The following GRIK2 variants were observed in gnomAD, a reference collection of about 807,000 sequenced individuals.
GRIK2 encodes the protein glutamate ionotropic receptor kainate type subunit 2, also known as glutamate receptor ionotropic, kainate 2.
GRIK2 carries 32 observed loss-of-function variants against 100.3 expected under a neutral mutation model. The ratio of observed to expected loss-of-function variants is 0.32; its 90% CI spans 0.24 to 0.43. The LOEUF is 0.43. GRIK2 is among the 20% of genes least tolerant of loss of function. GRIK2 has a pLI of 1.00. For synonymous variants in GRIK2, 417 were observed against 389.4 expected (o/e 1.07, Z -0.83); for missense variants, 843 against 1,114.9 (o/e 0.76, Z 3.47).
intron 14 of GRIK2, among the ~76,000 whole-genome samples, chr6:101,994,204 A>G (rs1046818270): frequency 6.6e-6 from 1 of 150,962 alleles, no homozygotes; most frequent in African/African-American, 2.4e-5. Flanking sequence ...GCCAATAGTC[A>G]TTCCTAATCT....
chr6:101,437,204 A>C (rs1769772047), intron 2 of GRIK2, among the ~76,000 whole-genome samples: 1 of 152,086 alleles, frequency 6.6e-6, no homozygotes, highest in Non-Finnish European at 1.5e-5. Flanking sequence ...ACTTATTTCT[A>C]TACTGAGAAA....
At chr6:101,725,259 C>G (rs1390990746) in intron 7 of GRIK2, among the ~76,000 whole-genome samples, 2 of 151,996 alleles carry the variant, frequency 1.3e-5, no homozygotes, top group African/African-American at 4.8e-5. Context: ...AAGAGCAACA[C>G]CATTGGGAAA....
At chr6:101,508,200 G>A (rs1453201390) in intron 2 of GRIK2, among the ~76,000 whole-genome samples, 2 of 151,896 alleles carry the variant, frequency 1.3e-5, no homozygotes, top group East Asian at 3.9e-4. Flanking sequence ...CCAGGTTAAA[G>A]TTTATAAGAG....
At position 101,487,309 on chromosome 6, in the gene GRIK2, C is replaced by T. The variant is rs766777846; in HGVS notation, c.115+87917C>T. Among the ~76,000 whole-genome samples, 68 of 146,454 alleles carry T rather than the reference C, an allele frequency of 4.6e-4. 5 individuals carry two copies. The highest frequency in any genetic ancestry group is 1.5e-3 in the South Asian group (7 of 4,624). ...ACACTGGTCTAAAAGTTCAAAGACACTGACCATTCTAGGACGGCTGCTTCT... is the reference window on the plus strand; with the variant it reads ...ACACTGGTCTAAAAGTTCAAAGACATTGACCATTCTAGGACGGCTGCTTCT... On this transcript the variant is annotated intron_variant, in intron 2 of 16. Coordinates refer to ENST00000369134, the MANE Select transcript of GRIK2 (RefSeq NM_021956.5).
At chr6:101,679,451 AGAT>A (rs1771082045) in intron 5 of GRIK2, among the ~76,000 whole-genome samples, 1 of 152,034 alleles carries the variant, frequency 6.6e-6, no homozygotes, top group South Asian at 2.1e-4. Context: ...CTTTTAGGAG[AGAT>A]GATATGACAA....
chr6:101,899,735 T>G (rs1258620576), intron 12 of GRIK2, among the ~76,000 whole-genome samples: 1 of 152,102 alleles, frequency 6.6e-6, no homozygotes, highest in Non-Finnish European at 1.5e-5. Context: ...AAGGTGAAAT[T>G]GTAGGTTTTG....
chr6:101,573,669 T>C (rs1777660056), intron 2 of GRIK2, among the ~76,000 whole-genome samples: 1 of 152,182 alleles, frequency 6.6e-6, no homozygotes, highest in Non-Finnish European at 1.5e-5. Flanking sequence ...TGAATCTGAC[T>C]CCTTCATTTT....
At chr6:101,825,151 T>A (rs1389422375) in intron 10 of GRIK2, among the ~76,000 whole-genome samples, 9 of 152,138 alleles carry the variant, frequency 5.9e-5, no homozygotes, top group Admixed American at 1.3e-4. Flanking sequence ...TTCTCAGCAA[T>A]CTCAGTCACA....
intron 7 of GRIK2, among the ~76,000 whole-genome samples, chr6:101,701,359 C>G (rs1437054861): frequency 6.6e-6 from 1 of 152,024 alleles, no homozygotes; most frequent in Non-Finnish European, 1.5e-5. Flanking sequence ...TTCGTAGTAC[C>G]TGTGTCAGGG....
chr6:101,977,012 T>C (rs1402391686), intron 14 of GRIK2, among the ~76,000 whole-genome samples: 1 of 151,760 alleles, frequency 6.6e-6, no homozygotes, highest in Non-Finnish European at 1.5e-5. Context: ...TGGTATCAAA[T>C]AAAAAATTGG....
At chr6:101,930,886 GA>G in intron 14 of GRIK2, among the ~76,000 whole-genome samples, 1 of 151,994 alleles carries the variant, frequency 6.6e-6, no homozygotes, top group African/African-American at 2.4e-5. Context: ...AAGTCGACAC[GA>G]CACAGCTTTC....
At chr6:101,935,117 A>G (rs575796821) in intron 14 of GRIK2, among the ~76,000 whole-genome samples, 45 of 152,058 alleles carry the variant, frequency 3.0e-4, no homozygotes, top group Admixed American at 5.2e-4. Context: ...TTTAGTTTGC[A>G]CATGTTTACT....
intron 14 of GRIK2, among the ~76,000 whole-genome samples, chr6:102,030,349 C>G (rs1167810130): frequency 6.6e-6 from 1 of 151,162 alleles, no homozygotes; most frequent in Non-Finnish European, 1.5e-5. Flanking sequence ...TTACTTAAAC[C>G]AAAATATTCT....
chr6:101,707,012 T>G (rs1256303948), intron 7 of GRIK2, among the ~76,000 whole-genome samples: 1 of 151,916 alleles, frequency 6.6e-6, no homozygotes, highest in Non-Finnish European at 1.5e-5. Context: ...AGTTAATATG[T>G]TCACCCTAAT....
chr6:101,446,416 A>G (rs943423092), intron 2 of GRIK2, among the ~76,000 whole-genome samples: 3 of 151,882 alleles, frequency 2.0e-5, no homozygotes, highest in African/African-American at 4.8e-5. Context: ...TATTACGACG[A>G]TAATAAAATG....
rs1447317600 is a variant in GRIK2 at position 101,494,113 on chromosome 6, A to G, written c.115+94721A>G. ...TTATATACACAGCAGAAACAGTTTT[A>G]TTAGTATATTACATCCTAAGGCAAC... On this transcript the variant is annotated intron_variant, in intron 2 of 16. Coordinates refer to ENST00000369134, the MANE Select transcript of GRIK2 (RefSeq NM_021956.5). Among the ~76,000 whole-genome samples the G allele has an allele frequency of 4.7e-5, 7 of 150,000 alleles. No individual in the cohort carries two copies. The Admixed American group carries it at 4.7e-4, about 10-fold the overall frequency.
At chr6:102,001,255 G>A (rs1794925367) in intron 14 of GRIK2, among the ~76,000 whole-genome samples, 1 of 150,850 alleles carries the variant, frequency 6.6e-6, no homozygotes, top group Admixed American at 6.6e-5. Context: ...TTGTTACACA[G>A]GTATACATGT....
At chr6:102,040,365 ATGAATAT>A (rs776529424) in intron 15 of GRIK2, among the ~76,000 whole-genome samples, 13 of 151,576 alleles carry the variant, frequency 8.6e-5, no homozygotes, top group Non-Finnish European at 1.5e-4. Flanking sequence ...AATATTATCT[ATGAATAT>A]CAAAAAGCAG....
intron 2 of GRIK2, among the ~76,000 whole-genome samples, chr6:101,502,331 A>C (rs1773801330): frequency 6.6e-6 from 1 of 152,126 alleles, no homozygotes; most frequent in Admixed American, 6.6e-5. Context: ...ATATATACAC[A>C]CATACACAAA....
Sources: allele counts gnomAD v4.1 joint callset (sites outside exome capture counted in the v4.1 genomes callset), GRCh38; gene constraint gnomAD v4.1.1; transcripts MANE v1.5; gene names NCBI Gene and HGNC (gene_info 2026-07-23, HGNC 2026-07-21).